GRIA4: variants seen among roughly 807,000 people sequenced by gnomAD.
GRIA4 encodes the protein glutamate receptor 4.
Under a neutral mutation model 104.0 loss-of-function variants are expected in GRIA4, and 34 were observed. The ratio of observed to expected loss-of-function variants is 0.33; its 90% CI spans 0.25 to 0.44. The LOEUF (loss-of-function observed/expected upper bound fraction) is 0.44. Ranked by LOEUF, GRIA4 falls within the 20% of genes least tolerant of loss-of-function variation. The pLI is 1.00. For synonymous variants in GRIA4, 386 were observed against 381.9 expected (o/e 1.01, Z -0.13); for missense variants, 750 against 1,096.5 (o/e 0.68, Z 4.46).
chr11:105,678,306 A>C (rs1952605514), intron 3 of GRIA4, among the ~76,000 whole-genome samples: 1 of 152,144 alleles, frequency 6.6e-6, no homozygotes, highest in Admixed American at 6.6e-5. Flanking sequence ...ATTGATTACA[A>C]TGTTTTCCTT....
intron 14 of GRIA4, among the ~76,000 whole-genome samples, chr11:105,948,100 A>T (rs186074565): frequency 8.8e-4 from 134 of 152,332 alleles, no homozygotes; most frequent in African/African-American, 3.0e-3. Flanking sequence ...CTGTTTCTAT[A>T]AGAAGCACTC....
chr11:105,783,402 C>T (rs1941813832), intron 4 of GRIA4, among the ~76,000 whole-genome samples: 1 of 152,210 alleles, frequency 6.6e-6, no homozygotes, highest in African/African-American at 2.4e-5. Context: ...CCCCACACAG[C>T]TGTTACACTG....
At chr11:105,924,304 C>T (rs943447044) in intron 11 of GRIA4, 95 bp from the exon 12 acceptor site, 37 of 853,048 alleles carry the variant, frequency 4.3e-5, no homozygotes, top group Middle Eastern at 3.0e-4. Flanking sequence ...GTAGAATAAA[C>T]GCATGACTGG....
chr11:105,922,931 T>C (rs1156562002), intron 11 of GRIA4, among the ~76,000 whole-genome samples: 1 of 152,162 alleles, frequency 6.6e-6, no homozygotes, highest in Non-Finnish European at 1.5e-5. Context: ...ATAATAACCT[T>C]CCAGCAATGG....
At chr11:105,924,314 G>A in intron 11 of GRIA4, 85 bp from the exon 12 acceptor site, 1 of 981,192 alleles carries the variant, frequency 1.0e-6, no homozygotes, top group Non-Finnish European at 1.5e-6. Flanking sequence ...CGCATGACTG[G>A]TTAGCTTTAA....
rs1439367005 is a variant in GRIA4 at position 105,971,936 on chromosome 11, T to C, written c.2317T>C (p.Leu773=). The C allele has an allele frequency of 2.7e-5, 44 of 1,611,262 alleles. No individual in the cohort carries two copies. Among genetic ancestry groups the C allele is most frequent in the Non-Finnish European group, 3.7e-5 (44 of 1,177,874 alleles). Residue 773 remains leucine, a synonymous_variant, in exon 15 of 17, where the codon TTG becomes CTG. Coordinates refer to ENST00000282499, the MANE Select transcript of GRIA4 (RefSeq NM_000829.4). ...SLRTPVNLAV[L]KLSEAGVLDK... Reference sequence around the variant, plus strand: ...AAGAACTCCTGTAAACCTTGCCGTTTTGAAACTCAGTGAGGCAGGCGTCTT... The same window carrying C: ...AAGAACTCCTGTAAACCTTGCCGTTCTGAAACTCAGTGAGGCAGGCGTCTT...
At chr11:105,867,632 A>T (rs1351929305) in intron 5 of GRIA4, among the ~76,000 whole-genome samples, 2 of 152,186 alleles carry the variant, frequency 1.3e-5, no homozygotes, top group East Asian at 3.8e-4. Context: ...GGAAAGGAAC[A>T]TTTTTGTTAC....
chr11:105,796,994 G>A (rs548883386), intron 4 of GRIA4, among the ~76,000 whole-genome samples: 42 of 152,126 alleles, frequency 2.8e-4, no homozygotes, highest in African/African-American at 9.9e-4. Flanking sequence ...ACTTTGGGTG[G>A]CCGAGGTGGG....
chr11:105,908,180 T>C (rs1327912254), intron 9 of GRIA4, among the ~76,000 whole-genome samples: 3 of 152,168 alleles, frequency 2.0e-5, no homozygotes, highest in African/African-American at 7.2e-5. Flanking sequence ...TTCTCACATA[T>C]CTTAGTATAG....
intron 5 of GRIA4, among the ~76,000 whole-genome samples, chr11:105,874,972 G>A (rs1417508698): frequency 6.6e-6 from 1 of 152,204 alleles, no homozygotes; most frequent in Non-Finnish European, 1.5e-5. Context: ...TGGTGAGAGA[G>A]GGCATCCTTG....
intron 3 of GRIA4, chr11:105,706,974 T>C (rs959432612): frequency 2.4e-4 from 37 of 152,358 alleles, no homozygotes; most frequent in African/African-American, 8.4e-4. Context: ...CTATATTCTA[T>C]TTAACAAAAA....
chr11:105,957,694 C>T (rs191431767), intron 14 of GRIA4, among the ~76,000 whole-genome samples: 1 of 152,258 alleles, frequency 6.6e-6, no homozygotes, highest in Admixed American at 6.5e-5. Context: ...CTATAAATCA[C>T]CTTGGGCAGT....
At chr11:105,846,339 A>C (rs1944595005) in intron 4 of GRIA4, among the ~76,000 whole-genome samples, 1 of 152,178 alleles carries the variant, frequency 6.6e-6, no homozygotes, top group Admixed American at 6.5e-5. Flanking sequence ...AGAAGTGAGG[A>C]GGAAGAGGTA....
rs12224165 is a variant in GRIA4, at chr11:105,876,450, T to C, written c.673-11069T>C. Among the ~76,000 whole-genome samples, 3,823 of 152,312 alleles carry C rather than the reference T, an allele frequency of 0.025. 473 individuals carry two copies. The East Asian group carries it at 0.39, about 16-fold the overall frequency. On this transcript the variant is annotated intron_variant, in intron 5 of 16. Coordinates refer to ENST00000282499, the MANE Select transcript of GRIA4 (RefSeq NM_000829.4). ...TAGGTCCACTTGATCCAGAGCTGAG[T>C]TCAAGTCCTGAATATCCTTGTTAAT... is the stretch of plus-strand genomic sequence containing the variant.
intron 3 of GRIA4, among the ~76,000 whole-genome samples, chr11:105,627,946 TAAG>T (rs1352469131): frequency 6.6e-6 from 1 of 152,188 alleles, no homozygotes; most frequent in African/African-American, 2.4e-5. Context: ...TTGGCACAAA[TAAG>T]AATCTGTACT....
At chr11:105,799,468 C>A (rs999867382) in intron 4 of GRIA4, among the ~76,000 whole-genome samples, 2 of 151,850 alleles carry the variant, frequency 1.3e-5, no homozygotes, top group Non-Finnish European at 2.9e-5. Context: ...TAGGGTGATG[C>A]AATAATCAAC....
chr11:105,821,239 A>C (rs753137105), intron 4 of GRIA4, among the ~76,000 whole-genome samples: 16 of 152,174 alleles, frequency 1.1e-4, no homozygotes, highest in Non-Finnish European at 1.0e-4. Flanking sequence ...AAACAAAGGA[A>C]AATCAAAATC....
In GRIA4 at chr11:105,634,516, G is replaced by A. The variant is rs59506525; in HGVS notation, c.247+22082G>A. On this transcript the variant is annotated intron_variant, in intron 3 of 16. Transcript: ENST00000282499. ...AAGAAAGAAAGAAAGAAAGAAAGAAGAAAGAAAGAAAGAAAAGAAAGAAAA... is the reference window on the plus strand; with the variant it reads ...AAGAAAGAAAGAAAGAAAGAAAGAAAAAAGAAAGAAAGAAAAGAAAGAAAA... Among the ~76,000 whole-genome samples the A allele has an allele frequency of 3.3e-4, 22 of 66,706 alleles. 1 individual carries two copies. The highest frequency in any genetic ancestry group is 1.1e-3 in the African/African-American group (21 of 18,838). The allele number at this position is 66,706 out of a possible 152,430, so 43.8% of individuals were successfully genotyped here.
At chr11:105,869,138 T>C (rs1945529015) in intron 5 of GRIA4, among the ~76,000 whole-genome samples, 1 of 151,910 alleles carries the variant, frequency 6.6e-6, no homozygotes, top group South Asian at 2.1e-4. Flanking sequence ...TCTTATAAAG[T>C]AAAAAATAGG....
Sources: gnomAD v4.1 joint callset for allele counts (sites outside exome capture counted in the v4.1 genomes callset) on GRCh38, gnomAD v4.1.1 for gene constraint, MANE v1.5 for transcripts, NCBI Gene and HGNC (gene_info 2026-07-23, HGNC 2026-07-21) for gene names.